PRKAG2: variants seen among roughly 807,000 people sequenced by gnomAD.
PRKAG2 encodes 5'-AMP-activated protein kinase subunit gamma-2.
A neutral mutation model predicts 69.6 loss-of-function variants in PRKAG2; 26 were observed. The ratio of observed to expected loss-of-function variants is 0.37; its 90% CI spans 0.27 to 0.52. PRKAG2 has a LOEUF of 0.52. Among genes scored for constraint, PRKAG2 ranks in the 20% least tolerant of loss-of-function variants. The probability of loss-of-function intolerance (pLI) is 0.90; values close to 1 mark genes in which losing one functional copy is unlikely to be tolerated. For missense variants in PRKAG2, 557 were observed against 740.0 expected, an observed-to-expected ratio of 0.75 and a Z score of 2.87; for synonymous variants, 293 against 285.0, an observed-to-expected ratio of 1.03 and a Z score of -0.28.
chr7:151,842,578 TGGTAGTGATGGTAGGTAGG>T (rs2079332260), intron 1 of PRKAG2, among the ~76,000 whole-genome samples: 1 of 145,936 alleles, frequency 6.9e-6, no homozygotes, highest in Admixed American at 6.7e-5. Context: ...TAGGTAGTGA[TGGTAGTGATGGTAGGTAGG>T]GATGGTAGTG....
intron 3 of PRKAG2, among the ~76,000 whole-genome samples, chr7:151,732,611 C>G (rs1799132783): frequency 6.6e-6 from 1 of 152,238 alleles, no homozygotes; most frequent in African/African-American, 2.4e-5. Flanking sequence ...TGCGATGCTG[C>G]AAGACCTAGG....
intron 3 of PRKAG2, among the ~76,000 whole-genome samples, chr7:151,700,142 C>T (rs954274658): frequency 6.6e-6 from 1 of 152,220 alleles, no homozygotes; most frequent in African/African-American, 2.4e-5. Flanking sequence ...TCCTCCCCAA[C>T]AAGGGAAATC....
Position 151,823,155 on chromosome 7 carries a change from C to G in PRKAG2, c.115-36614G>C, listed in dbSNP as rs544909742. 3.9e-5 allele frequency among the ~76,000 whole-genome samples: 6 copies of G among 151,938 alleles called. 1 individual carries two copies. The South Asian group carries it at 1.3e-3, about 32-fold the overall frequency. ...CTGCCAGGCGTGGCCCCTCTCAGCA[C>G]AGCCGCCTGGGGACACTCTCTATGA... On this transcript the variant is annotated intron_variant, in intron 1 of 15. Transcript: ENST00000287878.
At chr7:151,728,666 GGAA>G (rs1199616511) in intron 3 of PRKAG2, among the ~76,000 whole-genome samples, 3 of 152,182 alleles carry the variant, frequency 2.0e-5, no homozygotes, top group Admixed American at 6.5e-5. Flanking sequence ...CTGCAGTCCT[GGAA>G]TTGTTTGTCC....
rs140075579 is a variant in PRKAG2, at chr7:151,701,826, G to C, written c.467-26189C>G. Among the ~76,000 whole-genome samples the C allele has an allele frequency of 3.3e-3, 463 of 142,438 alleles. 5 individuals carry two copies. Among genetic ancestry groups the C allele is most frequent in the African/African-American group, 0.013 (449 of 34,018 alleles). 93.4% of individuals were successfully genotyped at this position (142,438 alleles called of 152,430 possible). On this transcript the variant is annotated intron_variant, in intron 3 of 15. Transcript: ENST00000287878. The stretch of plus-strand genomic sequence containing the variant: ...CCACTGCACTCCAGCCTGGGCGACA[G>C]AGCGAGACTCTGTCTCAAAAAAAAA...
chr7:151,654,988 C>T (rs932994068), intron 4 of PRKAG2, among the ~76,000 whole-genome samples: 14 of 152,254 alleles, frequency 9.2e-5, no homozygotes, highest in South Asian at 4.2e-4. Context: ...CCACCATGCC[C>T]GGCTGGGATA....
intron 5 of PRKAG2, among the ~76,000 whole-genome samples, chr7:151,607,035 T>C (rs1817697307): frequency 6.6e-6 from 1 of 152,204 alleles, no homozygotes; most frequent in Admixed American, 6.5e-5. Context: ...GTTTGCAGAC[T>C]GATGTTAAAT....
chr7:151,864,701 C>T (rs1321376939), intron 1 of PRKAG2, among the ~76,000 whole-genome samples: 3 of 152,150 alleles, frequency 2.0e-5, no homozygotes, highest in African/African-American at 7.2e-5. Flanking sequence ...AATATCTCCT[C>T]GGACACTCAC....
chr7:151,852,461 C>T (rs1289157515), intron 1 of PRKAG2, among the ~76,000 whole-genome samples: 2 of 152,132 alleles, frequency 1.3e-5, no homozygotes, highest in Non-Finnish European at 2.9e-5. Flanking sequence ...CACCACTGCA[C>T]TCCAGCCTGG....
At position 151,781,967 on chromosome 7, in the gene PRKAG2, T is replaced by C. The variant is rs1319687591; in HGVS notation, c.187-536A>G. Reference sequence around the variant, plus strand: ...GAAAGACTGAGGTTGCCAACAGAAGTCAGGAGAAAAGTTCACAAAGCCAGC... The same window carrying C: ...GAAAGACTGAGGTTGCCAACAGAAGCCAGGAGAAAAGTTCACAAAGCCAGC... On this transcript the variant is annotated intron_variant, in intron 2 of 15. Coordinates refer to ENST00000287878, the MANE Select transcript of PRKAG2 (RefSeq NM_016203.4). The surrounding 1 kb of genome is among the most constrained non-coding windows in gnomAD (Gnocchi z 6.1). Among the ~76,000 whole-genome samples, 1 of 151,850 alleles carries C rather than the reference T, an allele frequency of 6.6e-6. No individual in the cohort carries two copies. The highest frequency in any genetic ancestry group is 2.4e-5 in the African/African-American group (1 of 41,328).
chr7:151,799,069 C>T (rs917807901), intron 1 of PRKAG2, among the ~76,000 whole-genome samples: 8 of 152,118 alleles, frequency 5.3e-5, no homozygotes, highest in Non-Finnish European at 8.8e-5. Context: ...CTTCTGTTCC[C>T]AACTGGCCCG....
chr7:151,859,209 G>T (rs2079856388), intron 1 of PRKAG2, among the ~76,000 whole-genome samples: 1 of 152,244 alleles, frequency 6.6e-6, no homozygotes, highest in Non-Finnish European at 1.5e-5. Flanking sequence ...GGGCTTCGAG[G>T]GTGCTGCACA....
chr7:151,625,869 G>A (rs528677623), intron 5 of PRKAG2, among the ~76,000 whole-genome samples: 2 of 152,354 alleles, frequency 1.3e-5, no homozygotes, highest in South Asian at 4.1e-4. Context: ...GAAGGCACAG[G>A]ATGAGATGTA....
chr7:151,678,644 T>G (rs1457079201), intron 3 of PRKAG2, among the ~76,000 whole-genome samples: 1 of 151,992 alleles, frequency 6.6e-6, no homozygotes, highest in Non-Finnish European at 1.5e-5. Flanking sequence ...TAAAAGGCCC[T>G]CACAACAAAG....
At chr7:151,729,866 C>T (rs1338814733) in intron 3 of PRKAG2, among the ~76,000 whole-genome samples, 2 of 152,242 alleles carry the variant, frequency 1.3e-5, no homozygotes, top group Non-Finnish European at 2.9e-5. Context: ...CCTGCCTCCA[C>T]GGCATCACCA....
rs376204830 is a variant in PRKAG2 at position 151,702,190 on chromosome 7, T to G, written c.467-26553A>C. ...GATTGGAGGGTGGTGTTCTGCAGAA[T>G]GCTTTCTAAGAAAGAAGCAAAGGTT... On this transcript the variant is annotated intron_variant, in intron 3 of 15. Transcript: ENST00000287878. 2.6e-4 allele frequency among the ~76,000 whole-genome samples: 40 copies of G among 152,352 alleles called. No homozygotes were observed. In the East Asian group the frequency reaches 7.3e-3, roughly 28 times the overall value.
chr7:151,732,676 A>C (rs955506769), intron 3 of PRKAG2, among the ~76,000 whole-genome samples: 6 of 152,080 alleles, frequency 3.9e-5, no homozygotes, highest in African/African-American at 1.4e-4. Context: ...AAGCAGCCAG[A>C]TCACAGAAAA....
chr7:151,729,165 ACAGGGGGTGGCGGGCGGG>A (rs1798500452), intron 3 of PRKAG2, among the ~76,000 whole-genome samples: 1 of 137,694 alleles, frequency 7.3e-6, no homozygotes, highest in South Asian at 2.3e-4. Context: ...AGTGGGGCGG[ACAGGGGGTGGCGGGCGGG>A]CCTCACCAAA....
intron 1 of PRKAG2, among the ~76,000 whole-genome samples, chr7:151,824,611 G>A (rs1287728125): frequency 6.6e-6 from 1 of 152,154 alleles, no homozygotes; most frequent in Non-Finnish European, 1.5e-5. Context: ...CCCAGTGGAA[G>A]CTTTTGGAGC....
Sources: gnomAD v4.1 joint callset for allele counts (sites outside exome capture counted in the v4.1 genomes callset) on GRCh38, gnomAD v4.1.1 for gene constraint, Gnocchi (gnomAD v3.1) non-coding constraint, MANE v1.5 for transcripts, NCBI Gene and HGNC (gene_info 2026-07-23, HGNC 2026-07-21) for gene names.